CNTNAP2: variants seen among roughly 807,000 people sequenced by gnomAD.
CNTNAP2 encodes the protein contactin associated protein 2, also known as contactin-associated protein-like 2.
A neutral mutation model predicts 155.2 loss-of-function variants in CNTNAP2; 98 were observed. That is an observed-to-expected ratio of 0.63 (90% CI 0.54 to 0.75). CNTNAP2 has a LOEUF of 0.75. Ranked by LOEUF, CNTNAP2 falls within the 30% of genes least tolerant of loss-of-function variation. The probability of loss-of-function intolerance (pLI) is 0.00; values close to 1 mark genes in which losing one functional copy is unlikely to be tolerated. For missense variants in CNTNAP2, 1,727 were observed against 1,688.1 expected (o/e 1.02, Z -0.40); for synonymous variants, 651 against 631.2 (o/e 1.03, Z -0.47).
At chr7:146,260,826 G>A (rs775763038) in intron 1 of CNTNAP2, among the ~76,000 whole-genome samples, 1 of 152,144 alleles carries the variant, frequency 6.6e-6, no homozygotes, top group Non-Finnish European at 1.5e-5. Context: ...ATACTTTAGG[G>A]GACTGTTGAG....
At chr7:147,336,078 A>G (rs1448581601) in intron 9 of CNTNAP2, among the ~76,000 whole-genome samples, 2 of 152,172 alleles carry the variant, frequency 1.3e-5, no homozygotes, top group African/African-American at 4.8e-5. Flanking sequence ...AGAATATAGA[A>G]GTGTTGAGAA....
At chr7:147,148,234 CA>C (rs1485893771) in intron 8 of CNTNAP2, among the ~76,000 whole-genome samples, 1 of 151,386 alleles carries the variant, frequency 6.6e-6, no homozygotes, top group East Asian at 2.0e-4. Context: ...ACTAAAAATA[CA>C]AAAAAATAGC....
chr7:147,521,494 C>T (rs1799228174), intron 11 of CNTNAP2, among the ~76,000 whole-genome samples: 1 of 152,164 alleles, frequency 6.6e-6, no homozygotes, highest in South Asian at 2.1e-4. Context: ...AACTGAAATC[C>T]CATTCCGTGG....
At chr7:147,981,713 A>G (rs1451111576) in intron 15 of CNTNAP2, among the ~76,000 whole-genome samples, 1 of 152,072 alleles carries the variant, frequency 6.6e-6, no homozygotes, top group Non-Finnish European at 1.5e-5. Flanking sequence ...CAAAATGCTA[A>G]AGAAAATCAG....
chr7:146,585,210 C>G (rs1798670606), intron 1 of CNTNAP2, among the ~76,000 whole-genome samples: 1 of 152,108 alleles, frequency 6.6e-6, no homozygotes, highest in Non-Finnish European at 1.5e-5. Flanking sequence ...CAACCTCTGA[C>G]TCCCTGGTTC....
chr7:148,190,611 T>C (rs1056253110), intron 18 of CNTNAP2: 2 of 152,222 alleles, frequency 1.3e-5, no homozygotes, highest in African/African-American at 2.4e-5. Flanking sequence ...AATTGGCACA[T>C]GCAATTATGG....
At chr7:147,225,555 A>G (rs1045275493) in intron 8 of CNTNAP2, among the ~76,000 whole-genome samples, 3 of 152,134 alleles carry the variant, frequency 2.0e-5, no homozygotes, top group African/African-American at 7.2e-5. Context: ...ACATTTTATC[A>G]TGCTGCCAGT....
At chr7:146,770,033 C>G (rs1465696773) in intron 1 of CNTNAP2, among the ~76,000 whole-genome samples, 2 of 152,090 alleles carry the variant, frequency 1.3e-5, no homozygotes, top group East Asian at 3.9e-4. Flanking sequence ...TATTCAGGGT[C>G]ACACGTTTAT....
intron 3 of CNTNAP2, among the ~76,000 whole-genome samples, chr7:147,022,564 G>C (rs527732157): frequency 1.3e-5 from 2 of 149,288 alleles, no homozygotes; most frequent in Non-Finnish European, 3.0e-5. Flanking sequence ...ATACATATAC[G>C]CACACATGTA....
At chr7:146,265,012 G>T (rs1459757336) in intron 1 of CNTNAP2, among the ~76,000 whole-genome samples, 1 of 152,150 alleles carries the variant, frequency 6.6e-6, no homozygotes, top group African/African-American at 2.4e-5. Flanking sequence ...ATACTTTAGG[G>T]GCTGAAAGGA....
At chr7:147,519,294 G>A (rs143581566) in intron 11 of CNTNAP2, among the ~76,000 whole-genome samples, 42 of 152,224 alleles carry the variant, frequency 2.8e-4, no homozygotes, top group African/African-American at 9.4e-4. Context: ...AGCCAGCGAT[G>A]ACTGATGTAA....
chr7:147,882,815 T>A (rs111671933), intron 13 of CNTNAP2, among the ~76,000 whole-genome samples: 3 of 152,040 alleles, frequency 2.0e-5, no homozygotes, highest in African/African-American at 7.2e-5. Flanking sequence ...TTCCCAGAAA[T>A]GAAAGTGCAT....
intron 1 of CNTNAP2, among the ~76,000 whole-genome samples, chr7:146,254,332 T>A (rs111438226): frequency 0.041 from 6,313 of 152,318 alleles, 400 homozygotes; most frequent in African/African-American, 0.14. Context: ...GCATTTCATG[T>A]GTATTTCAAT....
chr7:148,355,207 A>C (rs1224927955), intron 21 of CNTNAP2, among the ~76,000 whole-genome samples: 2 of 47,792 alleles, frequency 4.2e-5, no homozygotes, highest in Non-Finnish European at 7.2e-5. Flanking sequence ...TTTGAGACGG[A>C]GTCTTGCTCT....
chr7:146,725,196 A>G (rs1585060721), intron 1 of CNTNAP2, among the ~76,000 whole-genome samples: 1 of 150,914 alleles, frequency 6.6e-6, no homozygotes, highest in East Asian at 1.9e-4. Context: ...CACTGGTCAT[A>G]TAGGATTAGG....
At chr7:147,446,614 A>G (rs1481928145) in intron 10 of CNTNAP2, among the ~76,000 whole-genome samples, 1 of 152,240 alleles carries the variant, frequency 6.6e-6, no homozygotes, top group Non-Finnish European at 1.5e-5. Flanking sequence ...ATTAGAAGAG[A>G]CACAACTTTT....
At chr7:147,746,446 C>T (rs943870899) in intron 13 of CNTNAP2, among the ~76,000 whole-genome samples, 4 of 152,164 alleles carry the variant, frequency 2.6e-5, no homozygotes, top group Non-Finnish European at 5.9e-5. Flanking sequence ...CAGTCTCACA[C>T]GTCTTCCGCT....
Position 146,282,587 on chromosome 7 carries a change from A to G in CNTNAP2, c.97+165614A>G, listed in dbSNP as rs116776969. Among the ~76,000 whole-genome samples, 247 of 152,312 alleles carry G rather than the reference A, an allele frequency of 1.6e-3. 1 individual carries two copies. The highest frequency in any genetic ancestry group is 5.7e-3 in the African/African-American group (237 of 41,564). ...TTTAAAAACTGAGATTATGTCCTAG[A>G]GTAACATATGTTTGCTCTCAGAAAA... On this transcript the variant is annotated intron_variant, in intron 1 of 23. Coordinates refer to ENST00000361727, the MANE Select transcript of CNTNAP2 (RefSeq NM_014141.6).
chr7:147,413,368 C>T (rs972290424), intron 10 of CNTNAP2, among the ~76,000 whole-genome samples: 1 of 152,174 alleles, frequency 6.6e-6, no homozygotes, highest in African/African-American at 2.4e-5. Flanking sequence ...TAAGACAACA[C>T]TCTCTAAAGA....
Sources: gnomAD v4.1 joint callset for allele counts (sites outside exome capture counted in the v4.1 genomes callset) on GRCh38, gnomAD v4.1.1 for gene constraint, MANE v1.5 for transcripts, NCBI Gene and HGNC (gene_info 2026-07-23, HGNC 2026-07-21) for gene names.